PCDH11X: variants seen among roughly 807,000 people sequenced by gnomAD.
PCDH11X encodes the protein protocadherin 11 X-linked, also known as protocadherin-11 X-linked.
A neutral mutation model predicts 53.3 loss-of-function variants in PCDH11X; 18 were observed. The observed-to-expected ratio is 0.34, with a 90% CI of 0.23 to 0.50. The LOEUF (loss-of-function observed/expected upper bound fraction) is 0.50, where lower values mean the gene tolerates loss of function less well. PCDH11X is among the 20% of genes least tolerant of loss of function. The pLI is 0.98. For missense variants in PCDH11X, 570 were observed against 1,032.4 expected, an observed-to-expected ratio of 0.55 and a Z score of 6.14; for synonymous variants, 279 against 393.3, an observed-to-expected ratio of 0.71 and a Z score of 3.44.
At chrX:92,439,420 G>A (rs2072462443) in intron 9 of PCDH11X, among the ~76,000 whole-genome samples, 2 of 111,025 alleles carry the variant, frequency 1.8e-5, no homozygotes, top group Admixed American at 9.6e-5. Flanking sequence ...AGAGCCATAG[G>A]ATCTTCCTCC....
chrX:92,024,252 T>C (rs1323104333), intron 6 of PCDH11X, among the ~76,000 whole-genome samples: 1 of 110,785 alleles, frequency 9.0e-6, no homozygotes, highest in Non-Finnish European at 1.9e-5. Flanking sequence ...CATGATTCTA[T>C]ATTTAGAAAA....
chrX:92,364,114 T>C (rs983112519), intron 8 of PCDH11X, among the ~76,000 whole-genome samples: 1 of 111,854 alleles, frequency 8.9e-6, no homozygotes, highest in Non-Finnish European at 1.9e-5. Flanking sequence ...AGTTTTCTTA[T>C]AGTGTCTTAG....
intron 8 of PCDH11X, among the ~76,000 whole-genome samples, chrX:92,305,482 G>A (rs1033962865): frequency 1.8e-5 from 2 of 109,553 alleles, no homozygotes; most frequent in East Asian, 5.7e-4. Flanking sequence ...CAGTCGTATC[G>A]AATTTGGACT....
At chrX:92,145,257 C>T (rs2065250263) in intron 6 of PCDH11X, among the ~76,000 whole-genome samples, 1 of 112,002 alleles carries the variant, frequency 8.9e-6, no homozygotes, top group Non-Finnish European at 1.9e-5. Context: ...AGTGTTGGGA[C>T]TTTCAGAGAA....
chrX:92,509,030 C>T (rs1175126690), intron 10 of PCDH11X, among the ~76,000 whole-genome samples: 1 of 93,548 alleles, frequency 1.1e-5, no homozygotes, highest in Admixed American at 1.3e-4. Context: ...TTTATTCACT[C>T]TCATAGCAAT....
intron 9 of PCDH11X, among the ~76,000 whole-genome samples, chrX:92,462,894 G>T (rs1379390013): frequency 1.8e-5 from 2 of 110,182 alleles, no homozygotes; most frequent in East Asian, 5.6e-4. Flanking sequence ...TGACATTTGT[G>T]TTGTTAGGAT....
chrX:92,522,090 T>C (rs2074378556), intron 10 of PCDH11X, among the ~76,000 whole-genome samples: 1 of 112,429 alleles, frequency 8.9e-6, no homozygotes, highest in African/African-American at 3.2e-5. Flanking sequence ...CTTCAAGACC[T>C]TGTCCTTTGC....
At chrX:92,213,650 C>T (rs1275125921) in intron 7 of PCDH11X, among the ~76,000 whole-genome samples, 1 of 111,381 alleles carries the variant, frequency 9.0e-6, no homozygotes, top group Non-Finnish European at 1.9e-5. Flanking sequence ...AGATGGGTGT[C>T]ATGTCCATAG....
chrX:92,393,153 T>C (rs1847004910), intron 9 of PCDH11X, among the ~76,000 whole-genome samples: 1 of 110,607 alleles, frequency 9.0e-6, no homozygotes, highest in South Asian at 3.8e-4. Flanking sequence ...ATTTTGTTAA[T>C]ATTTTTACAT....
At chrX:92,092,757 C>T (rs1294980556) in intron 6 of PCDH11X, among the ~76,000 whole-genome samples, 1 of 111,795 alleles carries the variant, frequency 8.9e-6, no homozygotes, top group East Asian at 2.8e-4. Context: ...CTTGACATTT[C>T]CCTTTCGCTT....
intron 6 of PCDH11X, among the ~76,000 whole-genome samples, chrX:91,888,063 C>A (rs1473616082): frequency 6.3e-5 from 7 of 111,720 alleles, no homozygotes; most frequent in Non-Finnish European, 1.1e-4. Context: ...ATATTTGCAA[C>A]CGAAATTGTT....
chrX:92,386,476 G>A (rs1426625489), intron 8 of PCDH11X, among the ~76,000 whole-genome samples: 3 of 108,731 alleles, frequency 2.8e-5, no homozygotes, highest in East Asian at 2.9e-4. Flanking sequence ...AGTAATCTTT[G>A]GGGACATAAA....
chrX:91,941,752 C>T (rs189019359), intron 6 of PCDH11X, among the ~76,000 whole-genome samples: 1,487 of 110,378 alleles, frequency 0.013, 16 homozygotes, highest in Middle Eastern at 0.033. Context: ...TAGCCGAATA[C>T]GTTCTTTTCA....
chrX:91,982,959 G>C, intron 6 of PCDH11X: 4 of 1,123,347 alleles, frequency 3.6e-6, no homozygotes, highest in Non-Finnish European at 4.9e-6. Context: ...ATTCACATTA[G>C]TGTGAAGTTG....
intron 6 of PCDH11X, among the ~76,000 whole-genome samples, chrX:92,140,021 G>C (rs2065153390): frequency 9.3e-6 from 1 of 107,127 alleles, no homozygotes; most frequent in Non-Finnish European, 1.9e-5. Context: ...GTGAAAGGAG[G>C]TAAGAATCAA....
chrX:92,095,528 GT>G (rs1345375072), intron 6 of PCDH11X, among the ~76,000 whole-genome samples: 1 of 110,742 alleles, frequency 9.0e-6, no homozygotes, highest in Non-Finnish European at 1.9e-5. Flanking sequence ...TTTTTATTGA[GT>G]TTCTCATCTA....
chrX:91,894,027 G>A (rs1214849648), intron 6 of PCDH11X, among the ~76,000 whole-genome samples: 1 of 111,520 alleles, frequency 9.0e-6, no homozygotes. Flanking sequence ...GGAAATTGGG[G>A]TTTTGTTTTG....
intron 10 of PCDH11X, among the ~76,000 whole-genome samples, chrX:92,478,949 T>C (rs2073446618): frequency 9.1e-6 from 1 of 109,564 alleles, no homozygotes; most frequent in African/African-American, 3.3e-5. Context: ...TGTCTAATAC[T>C]GTCAAAGGGT....
intron 6 of PCDH11X, among the ~76,000 whole-genome samples, chrX:92,090,823 G>A (rs1425718934): frequency 8.9e-6 from 1 of 111,767 alleles, no homozygotes; most frequent in African/African-American, 3.3e-5. Context: ...ACAGACAAAT[G>A]GAGATCCAAT....
Sources: gnomAD v4.1 joint callset for allele counts (sites outside exome capture counted in the v4.1 genomes callset) on GRCh38, gnomAD v4.1.1 for gene constraint, MANE v1.5 for transcripts, NCBI Gene and HGNC (gene_info 2026-07-23, HGNC 2026-07-21) for gene names.